The following DGKD variants were observed in gnomAD, a reference collection of about 807,000 sequenced individuals.
DGKD encodes diacylglycerol kinase delta.
DGKD carries 68 observed loss-of-function variants against 154.4 expected under a neutral mutation model. The ratio of observed to expected loss-of-function variants is 0.44; its 90% CI spans 0.36 to 0.54. The LOEUF is 0.54. Ranked by LOEUF, DGKD falls within the 20% of genes least tolerant of loss-of-function variation. The pLI is 0.00. For synonymous variants in DGKD, 693 were observed against 638.0 expected (o/e 1.09, Z -1.30); for missense variants, 1,343 against 1,593.6 (o/e 0.84, Z 2.68).
chr2:233,442,826 G>A (rs1328268262), intron 10 of DGKD, among the ~76,000 whole-genome samples: 2 of 152,126 alleles, frequency 1.3e-5, no homozygotes, highest in African/African-American at 2.4e-5. Flanking sequence ...GGATGGTCTC[G>A]ATCTCTTGAC....
chr2:233,468,254 G>A lies in DGKD; in HGVS notation c.3425-169G>A, dbSNP rs532453706. Among the ~76,000 whole-genome samples, 29 of 131,444 alleles carry A rather than the reference G, an allele frequency of 2.2e-4. No individual in the cohort carries two copies. In the East Asian group the frequency reaches 3.9e-3, roughly 18 times the overall value. The allele number at this position is 131,444 out of a possible 152,430, so 86.2% of individuals were successfully genotyped here. A position where few individuals can be genotyped will look rare whatever the true frequency, so the allele number is the denominator to read the frequency against. ...TGGCTGCTGGGCTATCTCGGGTGCCGGCTGCTGGGCTATCTCAGGCGCTGG... is the reference window on the plus strand; with the variant it reads ...TGGCTGCTGGGCTATCTCGGGTGCCAGCTGCTGGGCTATCTCAGGCGCTGG... On this transcript the variant is annotated intron_variant, in intron 28 of 29. Transcript: ENST00000264057.
In DGKD at chr2:233,469,351, C is replaced by T. The variant is rs552317267; in HGVS notation, c.3556-20C>T. ...CTGGCTGTCTTCTCGGCATCCATGG[C>T]GGTGTCTTCTCTGTTGCAGGACCTG... On this transcript the variant is annotated intron_variant, in intron 29 of 29. Transcript: ENST00000264057. 2.0e-5 allele frequency: 32 copies of T among 1,598,460 alleles called. No homozygotes were observed. The highest frequency in any genetic ancestry group is 5.3e-5 in the African/African-American group (4 of 74,856).
chr2:233,460,447 T>G (rs958203592), intron 24 of DGKD, 102 bp downstream of exon 24: 2 of 1,455,606 alleles, frequency 1.4e-6, no homozygotes, highest in South Asian at 2.7e-5. Flanking sequence ...CTCCTGACTT[T>G]TGTGGGGTCT....
chr2:233,446,876 C>T, intron 12 of DGKD, 80 bp downstream of exon 12: 4 of 1,515,514 alleles, frequency 2.6e-6, no homozygotes, highest in Non-Finnish European at 3.6e-6. Context: ...GCATCACCTC[C>T]CTTGCAGAGA....
chr2:233,470,948 C>G lies in DGKD; in HGVS notation c.*1488C>G, dbSNP rs890199777. ...CGTCACTCCATCTGATGTGCAGAAGCTGGGCTGCACCTGCGGGGGTGGGCA... is the reference window on the plus strand; with the variant it reads ...CGTCACTCCATCTGATGTGCAGAAGGTGGGCTGCACCTGCGGGGGTGGGCA... On this transcript the variant is annotated 3_prime_UTR_variant, in exon 30 of 30. Coordinates refer to ENST00000264057, the MANE Select transcript of DGKD (RefSeq NM_152879.3). 3.3e-5 allele frequency: 5 copies of G among 152,512 alleles called. No individual in the cohort carries two copies. Among genetic ancestry groups the G allele is most frequent in the Non-Finnish European group, 5.9e-5 (4 of 68,210 alleles). 9.4% of individuals were successfully genotyped at this position (152,512 alleles called of 1,614,324 possible). A position where few individuals can be genotyped will look rare whatever the true frequency, so the allele number is the denominator to read the frequency against.
chr2:233,407,112 A>G (rs936443207), intron 3 of DGKD, among the ~76,000 whole-genome samples: 3 of 152,180 alleles, frequency 2.0e-5, no homozygotes, highest in African/African-American at 7.2e-5. Flanking sequence ...CTCAAAGGTC[A>G]TTGGATTGGC....
At chr2:233,434,328 A>G (rs138608963) in intron 3 of DGKD, 52 bp from the exon 4 acceptor site, 1 of 1,438,108 alleles carries the variant, frequency 7.0e-7, no homozygotes, top group African/African-American at 1.4e-5. Context: ...GTTCATAGCT[A>G]TCAGCACTTG....
At chr2:233,371,977 G>T (rs971396532) in intron 1 of DGKD, among the ~76,000 whole-genome samples, 4 of 152,168 alleles carry the variant, frequency 2.6e-5, no homozygotes, top group African/African-American at 9.7e-5. Context: ...GGAAGTATCT[G>T]CATTTCAGAA....
chr2:233,378,968 C>T (rs1702737559), intron 1 of DGKD, among the ~76,000 whole-genome samples: 1 of 152,188 alleles, frequency 6.6e-6, no homozygotes, highest in Admixed American at 6.5e-5. Context: ...GAGGTCAAGG[C>T]TGCGGTGAGC....
At chr2:233,398,048 C>T (rs967602226) in intron 3 of DGKD, among the ~76,000 whole-genome samples, 3 of 151,822 alleles carry the variant, frequency 2.0e-5, no homozygotes, top group Non-Finnish European at 4.4e-5. Flanking sequence ...TTGTTTGTTA[C>T]TACATTTACT....
In DGKD at chr2:233,381,871, A is replaced by G. The variant is rs184597614; in HGVS notation, c.157-6386A>G. On this transcript the variant is annotated intron_variant, in intron 1 of 29. Coordinates refer to ENST00000264057, the MANE Select transcript of DGKD (RefSeq NM_152879.3). The stretch of plus-strand genomic sequence containing the variant: ...TAACTGGAATACTAGTTTCTGTCTC[A>G]TAGACCAGAAGTGTTTGTTCTGTTA... Among the ~76,000 whole-genome samples, 46 of 152,350 alleles carry G rather than the reference A, an allele frequency of 3.0e-4. 1 individual carries two copies. The highest frequency in any genetic ancestry group is 4.3e-4 in the African/African-American group (18 of 41,580).
chr2:233,436,311 T>G lies in DGKD; in HGVS notation c.694-5T>G. ...TCCCTAGTGCGTGCCTCTGTTTGGT[T>G]GCAGATTGCAATGCCCCACCAGTGG... On this transcript the variant is annotated splice_region_variant and splice_polypyrimidine_tract_variant and intron_variant, in intron 6 of 29. Coordinates refer to ENST00000264057, the MANE Select transcript of DGKD (RefSeq NM_152879.3). The G allele has an allele frequency of 6.2e-7, 1 of 1,614,186 alleles. No homozygotes were observed. The highest frequency in any genetic ancestry group is 8.5e-7 in the Non-Finnish European group (1 of 1,180,020).
intron 3 of DGKD, among the ~76,000 whole-genome samples, chr2:233,425,234 T>G (rs2062254590): frequency 6.6e-6 from 1 of 152,194 alleles, no homozygotes; most frequent in South Asian, 2.1e-4. Flanking sequence ...TCGCCCAGGC[T>G]GGAGTGCAGT....
At chr2:233,377,042 C>G (rs916049415) in intron 1 of DGKD, among the ~76,000 whole-genome samples, 2 of 148,604 alleles carry the variant, frequency 1.3e-5, no homozygotes, top group South Asian at 4.2e-4. Context: ...CAATGTCCTC[C>G]TTTTTACAAA....
At chr2:233,398,019 A>G (rs1020138921) in intron 3 of DGKD, among the ~76,000 whole-genome samples, 5 of 151,828 alleles carry the variant, frequency 3.3e-5, no homozygotes, top group Admixed American at 2.0e-4. Flanking sequence ...TCCTAGTTCT[A>G]GTTATCAAAG....
Position 233,449,035 on chromosome 2 carries a change from G to C in DGKD, c.1615-68G>C. On this transcript the variant is annotated intron_variant, in intron 14 of 29. Coordinates refer to ENST00000264057, the MANE Select transcript of DGKD (RefSeq NM_152879.3). The surrounding 1 kb of genome is among the most constrained non-coding windows in gnomAD (Gnocchi z 5.3). ...CTAGGAAGTCTGGGTGAAATGGCCT[G>C]AGGTTCCCTGCCTGCAGACCCTGTT... The C allele has an allele frequency of 6.6e-7, 1 of 1,507,898 alleles. No individual in the cohort carries two copies. Among genetic ancestry groups the C allele is most frequent in the Non-Finnish European group, 8.9e-7 (1 of 1,126,944 alleles). 93.4% of individuals were successfully genotyped at this position (1,507,898 alleles called of 1,614,324 possible). A position where few individuals can be genotyped will look rare whatever the true frequency, so the allele number is the denominator to read the frequency against.
chr2:233,464,907 A>C (rs1303863160), intron 27 of DGKD, among the ~76,000 whole-genome samples: 2 of 152,256 alleles, frequency 1.3e-5, no homozygotes, highest in Non-Finnish European at 2.9e-5. Context: ...CCCTGAGGAA[A>C]GCTCATCTTG....
intron 1 of DGKD, among the ~76,000 whole-genome samples, chr2:233,375,305 AAG>A (rs1702515372): frequency 1.3e-5 from 2 of 152,124 alleles, no homozygotes; most frequent in Admixed American, 6.5e-5. Context: ...AAGGAAAAAA[AAG>A]AAAAAAAAGA....
intron 16 of DGKD, among the ~76,000 whole-genome samples, chr2:233,450,576 T>TGGG (rs1265694000): frequency 2.0e-5 from 3 of 152,162 alleles, no homozygotes; most frequent in Non-Finnish European, 4.4e-5. Context: ...TGCAGGCTGC[T>TGGG]GGGAGGCCCA....
Sources: gnomAD v4.1 joint callset for allele counts (sites outside exome capture counted in the v4.1 genomes callset) on GRCh38, gnomAD v4.1.1 for gene constraint, Gnocchi (gnomAD v3.1) non-coding constraint, MANE v1.5 for transcripts, NCBI Gene and HGNC (gene_info 2026-07-23, HGNC 2026-07-21) for gene names.